The following MAPRE2 variants were observed in gnomAD, a reference collection of about 807,000 sequenced individuals.
The protein encoded by MAPRE2 is microtubule-associated protein RP/EB family member 2.
MAPRE2 carries 13 observed loss-of-function variants against 43.2 expected under a neutral mutation model. The observed-to-expected ratio is 0.30, with a 90% confidence interval of 0.20 to 0.48. The LOEUF (loss-of-function observed/expected upper bound fraction) is 0.48. MAPRE2 is among the 20% of genes least tolerant of loss of function. The pLI is 0.99. For missense variants in MAPRE2, 161 were observed against 400.2 expected (o/e 0.40, Z 5.10); for synonymous variants, 135 against 148.8 (o/e 0.91, Z 0.68).
At chr18:35,034,936 T>C (rs1341406079) in intron 2 of MAPRE2, among the ~76,000 whole-genome samples, 2 of 151,912 alleles carry the variant, frequency 1.3e-5, no homozygotes, top group Non-Finnish European at 1.5e-5. Flanking sequence ...AGTTCAACCA[T>C]TGTGGAAGTC....
chr18:35,121,090 T>C (rs1435679118), intron 4 of MAPRE2, among the ~76,000 whole-genome samples: 1 of 152,186 alleles, frequency 6.6e-6, no homozygotes, highest in African/African-American at 2.4e-5. Flanking sequence ...ATATGGCAGA[T>C]TATGTGAAAA....
At chr18:35,007,035 C>A (rs1232700520) in intron 2 of MAPRE2, among the ~76,000 whole-genome samples, 1 of 152,198 alleles carries the variant, frequency 6.6e-6, no homozygotes, top group East Asian at 1.9e-4. Context: ...GGGGCCAGAG[C>A]AGGCTCTAGG....
chr18:35,039,556 A>G (rs2097052475), upstream of MAPRE2, among the ~76,000 whole-genome samples: 1 of 152,230 alleles, frequency 6.6e-6, no homozygotes, highest in Non-Finnish European at 1.5e-5. Context: ...AATTATTAAA[A>G]TAATAGCCCA....
chr18:35,100,374 G>A (rs1908619543), intron 3 of MAPRE2, among the ~76,000 whole-genome samples: 1 of 152,314 alleles, frequency 6.6e-6, no homozygotes, highest in Non-Finnish European at 1.5e-5. Context: ...GTTGGTAGGA[G>A]TATAAATTAG....
intron 2 of MAPRE2, among the ~76,000 whole-genome samples, chr18:35,023,499 G>A (rs879604969): frequency 6.0e-5 from 9 of 150,354 alleles, no homozygotes; most frequent in Admixed American, 2.0e-4. Flanking sequence ...GCAACAAAGC[G>A]AGACTCCTTC....
At chr18:35,114,184 G>T (rs1246695728) in intron 4 of MAPRE2, among the ~76,000 whole-genome samples, 1 of 152,092 alleles carries the variant, frequency 6.6e-6, no homozygotes, top group Non-Finnish European at 1.5e-5. Context: ...ATATGTCATG[G>T]ATGTGGTCTT....
At chr18:35,093,195 G>A (rs1908237138) in intron 2 of MAPRE2, among the ~76,000 whole-genome samples, 1 of 104,872 alleles carries the variant, frequency 9.5e-6, no homozygotes, top group South Asian at 3.5e-4. Context: ...TTAGGAGACA[G>A]AGCAAGACCC....
chr18:35,005,824 G>A (rs550847892), intron 2 of MAPRE2, among the ~76,000 whole-genome samples: 3 of 152,140 alleles, frequency 2.0e-5, no homozygotes, highest in Admixed American at 6.5e-5. Context: ...TCTTATGATA[G>A]GTGGGGAGGG....
At chr18:35,125,778 T>G (rs188145882) in intron 4 of MAPRE2, among the ~76,000 whole-genome samples, 1 of 152,376 alleles carries the variant, frequency 6.6e-6, no homozygotes, top group Non-Finnish European at 1.5e-5. Flanking sequence ...GAGTCTATTG[T>G]GACCTGAGCT....
At chr18:35,002,210 T>C (rs545263028) in intron 1 of MAPRE2, among the ~76,000 whole-genome samples, 76 of 152,350 alleles carry the variant, frequency 5.0e-4, no homozygotes, top group Admixed American at 9.8e-4. Context: ...TTAAGGACTT[T>C]CTTTTCTCAC....
chr18:35,041,457 G>T lies in MAPRE2; in HGVS notation c.-83G>T. ...AGGCGGCAGGCACGGTCCGTGCGGA[G>T]CAGGCGAGCGAGCGGGAAGACGCAG... On this transcript the variant is annotated 5_prime_UTR_variant, in exon 1 of 7. Coordinates refer to ENST00000300249, the MANE Select transcript of MAPRE2 (RefSeq NM_014268.4). 1 of 1,608,638 alleles carries T rather than the reference G, an allele frequency of 6.2e-7. No individual in the cohort carries two copies. Among genetic ancestry groups the T allele is most frequent in the South Asian group, 1.1e-5 (1 of 90,850 alleles).
At chr18:35,128,279 A>G (rs1188253635) in intron 5 of MAPRE2, among the ~76,000 whole-genome samples, 7 of 152,366 alleles carry the variant, frequency 4.6e-5, no homozygotes, top group Admixed American at 2.0e-4. Flanking sequence ...CCTGTTTCCA[A>G]TAATGACTTC....
At chr18:35,122,127 A>G (rs768809595) in intron 4 of MAPRE2, among the ~76,000 whole-genome samples, 1 of 152,252 alleles carries the variant, frequency 6.6e-6, no homozygotes, top group African/African-American at 2.4e-5. Context: ...TCTGAAAAAG[A>G]AAACATGAAA....
At chr18:34,981,764 G>A (rs1050831223) in intron 1 of MAPRE2, among the ~76,000 whole-genome samples, 1 of 152,048 alleles carries the variant, frequency 6.6e-6, no homozygotes, top group Non-Finnish European at 1.5e-5. Flanking sequence ...ATGTAGTCTT[G>A]CCTGGAGGCT....
At chr18:35,073,161 G>A (rs1007314153) in intron 2 of MAPRE2, among the ~76,000 whole-genome samples, 1 of 152,098 alleles carries the variant, frequency 6.6e-6, no homozygotes, top group Non-Finnish European at 1.5e-5. Context: ...CCTAGAGCTT[G>A]CAGTACATTT....
intron 1 of MAPRE2, among the ~76,000 whole-genome samples, chr18:35,045,919 C>A (rs140207601): frequency 6.6e-6 from 1 of 152,284 alleles, no homozygotes; most frequent in East Asian, 1.9e-4. Flanking sequence ...ACTTCTTTTA[C>A]GGATTTTCAG....
At chr18:35,066,104 C>CAGTTA (rs1906827435) in intron 1 of MAPRE2, among the ~76,000 whole-genome samples, 1 of 152,224 alleles carries the variant, frequency 6.6e-6, no homozygotes, top group Non-Finnish European at 1.5e-5. Context: ...GTTAGTATGA[C>CAGTTA]CTTACCTTTC....
intron 2 of MAPRE2, among the ~76,000 whole-genome samples, chr18:35,024,923 TA>T (rs1301767477): frequency 6.6e-6 from 1 of 152,072 alleles, no homozygotes; most frequent in Non-Finnish European, 1.5e-5. Context: ...GAGAAAAATA[TA>T]AAAAAATACA....
At chr18:35,066,779 A>G (rs938937506) in intron 1 of MAPRE2, among the ~76,000 whole-genome samples, 1 of 152,232 alleles carries the variant, frequency 6.6e-6, no homozygotes, top group Non-Finnish European at 1.5e-5. Flanking sequence ...CAGGCCTAAA[A>G]TCGGAAAAGC....
Sources: gnomAD v4.1 joint callset for allele counts (sites outside exome capture counted in the v4.1 genomes callset) on GRCh38, gnomAD v4.1.1 for gene constraint, MANE v1.5 for transcripts, NCBI Gene and HGNC (gene_info 2026-07-23, HGNC 2026-07-21) for gene names.